SLC1A1: variants seen among roughly 807,000 people sequenced by gnomAD.
SLC1A1 encodes the protein excitatory amino acid transporter 3.
SLC1A1 carries 43 observed loss-of-function variants against 53.3 expected under a neutral mutation model. That is an observed-to-expected ratio of 0.81 (90% CI 0.63 to 1.04). The LOEUF is 1.04. Ranked by LOEUF, SLC1A1 falls within the 50% of genes least tolerant of loss-of-function variation. The pLI is 0.00. For synonymous variants in SLC1A1, 307 were observed against 243.2 expected, an observed-to-expected ratio of 1.26 and a Z score of -2.44; for missense variants, 748 against 664.9, an observed-to-expected ratio of 1.12 and a Z score of -1.37.
Position 4,544,743 on chromosome 9 carries a change from C to T in SLC1A1, c.232+36C>T, listed in dbSNP as rs371178139. On this transcript the variant is annotated intron_variant, in intron 2 of 11. Coordinates refer to ENST00000262352, the MANE Select transcript of SLC1A1 (RefSeq NM_004170.6). ...AAAACAGATGTTCTCTATATTAGTC[C>T]ATTTTCATACTGCTGTAAAGAACTT... 99 of 1,539,046 alleles carry T rather than the reference C, an allele frequency of 6.4e-5. No individual in the cohort carries two copies. In the African/African-American group the frequency reaches 1.2e-3, roughly 18 times the overall value.
At position 4,564,425 on chromosome 9, in the gene SLC1A1, T is replaced by A; in HGVS notation, c.407T>A (p.Val136Asp). The A allele has an allele frequency of 6.2e-7, 1 of 1,613,536 alleles. No individual in the cohort carries two copies. The highest frequency in any genetic ancestry group is 8.5e-7 in the Non-Finnish European group (1 of 1,179,668). The change falls in exon 4 of 12, where the codon GTC (valine) becomes GAC (aspartate). Residue 136 changes from valine (V) to aspartate (D), a missense_variant. Val to Asp is a radical substitution (Grantham distance 152, BLOSUM62 -3). Coordinates refer to ENST00000262352, the MANE Select transcript of SLC1A1 (RefSeq NM_004170.6). Reference protein sequence around the residue: ...EIARTGSTPEVSTVDAMLDLI... With the variant: ...EIARTGSTPEDSTVDAMLDLI... ...GCGAGGACAGGCAGCACCCCTGAAG[T>A]CAGTACGGTGGATGCCATGTTAGAT...
intron 1 of SLC1A1, among the ~76,000 whole-genome samples, chr9:4,542,155 A>AAGGAG (rs1817069580): frequency 6.8e-6 from 1 of 147,168 alleles, no homozygotes; most frequent in Non-Finnish European, 1.5e-5. Flanking sequence ...TTAGAAAGGA[A>AAGGAG]AGGAGAGGGG....
intron 1 of SLC1A1, among the ~76,000 whole-genome samples, chr9:4,520,407 C>G (rs1816026986): frequency 6.6e-6 from 1 of 152,148 alleles, no homozygotes; most frequent in African/African-American, 2.4e-5. Flanking sequence ...TTATTATTAT[C>G]TATTTTTCTT....
chr9:4,530,199 T>C (rs1273324981), intron 1 of SLC1A1, among the ~76,000 whole-genome samples: 1 of 152,102 alleles, frequency 6.6e-6, no homozygotes, highest in African/African-American at 2.4e-5. Context: ...GGCCCAATTC[T>C]TCCCTTTCTC....
At chr9:4,505,877 G>A (rs940636429) in intron 1 of SLC1A1, among the ~76,000 whole-genome samples, 9 of 152,166 alleles carry the variant, frequency 5.9e-5, no homozygotes, top group Admixed American at 4.6e-4. Flanking sequence ...AGAATGGAGT[G>A]CAGTGGCACC....
intron 1 of SLC1A1, among the ~76,000 whole-genome samples, chr9:4,508,459 A>G (rs77864174): frequency 0.022 from 3,329 of 152,218 alleles, 125 homozygotes; most frequent in African/African-American, 0.077. Flanking sequence ...AACTTTCCCA[A>G]CTAAGCTCAC....
chr9:4,517,978 A>C (rs183140386), intron 1 of SLC1A1, among the ~76,000 whole-genome samples: 1 of 152,262 alleles, frequency 6.6e-6, no homozygotes, highest in Admixed American at 6.5e-5. Flanking sequence ...CTGTAATCCC[A>C]GCACTTTGGG....
intron 11 of SLC1A1, among the ~76,000 whole-genome samples, chr9:4,584,703 T>A (rs1821427047): frequency 6.6e-6 from 1 of 152,130 alleles, no homozygotes; most frequent in South Asian, 2.1e-4. Context: ...TTCCCCAGGC[T>A]CTCTGGAAAT....
intron 2 of SLC1A1, among the ~76,000 whole-genome samples, chr9:4,545,105 C>T (rs1338784830): frequency 1.3e-5 from 2 of 151,798 alleles, no homozygotes; most frequent in Admixed American, 6.6e-5. Context: ...CAAAGCCTAA[C>T]CATGTCATTC....
At chr9:4,511,358 T>A (rs1339159768) in intron 1 of SLC1A1, among the ~76,000 whole-genome samples, 1 of 152,114 alleles carries the variant, frequency 6.6e-6, no homozygotes, top group African/African-American at 2.4e-5. Context: ...GCAAGGCAGC[T>A]CTCTGGGACT....
In SLC1A1 at chr9:4,583,117, G is replaced by A. The variant is rs1291174137; in HGVS notation, c.1273G>A (p.Ala425Thr). Residue 425 changes from alanine (A) to threonine (T), a missense_variant, in exon 11 of 12, where the codon GCC becomes ACC. Coordinates refer to ENST00000262352, the MANE Select transcript of SLC1A1 (RefSeq NM_004170.6). The surrounding 1 kb of genome is among the most constrained non-coding windows in gnomAD (Gnocchi z 4.6). ...GLVTMVIVLS[A>T]VGLPAEDVTL... The stretch of plus-strand genomic sequence containing the variant: ...GGTGACCATGGTGATTGTGCTGAGT[G>A]CCGTGGGCCTGCCCGCCGAGGATGT... The A allele has an allele frequency of 6.2e-7, 1 of 1,614,098 alleles. No individual in the cohort carries two copies. Among genetic ancestry groups the A allele is most frequent in the East Asian group, 2.2e-5 (1 of 44,896 alleles).
At chr9:4,554,317 T>G (rs2130897011) in intron 2 of SLC1A1, 1 of 152,356 alleles carries the variant, frequency 6.6e-6, no homozygotes, top group South Asian at 2.1e-4. Flanking sequence ...GCATCTCCTA[T>G]GTGCTGGGCA....
intron 6 of SLC1A1, 126 bp downstream of exon 6, chr9:4,567,893 T>G (rs1371526106): frequency 2.7e-6 from 2 of 733,388 alleles, no homozygotes; most frequent in South Asian, 3.0e-5. Flanking sequence ...TTGCTAAAAT[T>G]TATGTGTGAC....
At chr9:4,579,111 C>T (rs1239604764) in intron 10 of SLC1A1, among the ~76,000 whole-genome samples, 1 of 152,102 alleles carries the variant, frequency 6.6e-6, no homozygotes, top group African/African-American at 2.4e-5. Flanking sequence ...GCAAAATACA[C>T]CATTTGGCAC....
chr9:4,563,369 G>A (rs141127828), intron 3 of SLC1A1, among the ~76,000 whole-genome samples: 123 of 152,260 alleles, frequency 8.1e-4, no homozygotes, highest in African/African-American at 2.7e-3. Flanking sequence ...GACAGACACA[G>A]AGAAAAAATA....
At chr9:4,497,826 A>G (rs1264069532) in intron 1 of SLC1A1, among the ~76,000 whole-genome samples, 4 of 152,210 alleles carry the variant, frequency 2.6e-5, no homozygotes, top group Admixed American at 1.3e-4. Flanking sequence ...TTAAAAAAGT[A>G]TATCTGATAC....
chr9:4,552,421 T>G (rs1199182750), intron 2 of SLC1A1, among the ~76,000 whole-genome samples: 2 of 151,970 alleles, frequency 1.3e-5, no homozygotes, highest in Non-Finnish European at 2.9e-5. Context: ...AGCATCTTTG[T>G]CCTCCCAAAA....
Position 4,576,713 on chromosome 9 carries a change from T to G in SLC1A1, c.1143T>G (p.Ile381Met), listed in dbSNP as rs1820579180. 6.2e-7 allele frequency: 1 copy of G among 1,614,224 alleles called. No individual in the cohort carries two copies. The highest frequency in any genetic ancestry group is 1.1e-5 in the South Asian group (1 of 91,092). ...ATGAAGCAGTGGCAGCGGTGTTTAT[T>G]GCACAGTTGAATGACCTGGACTTGG... Reference protein sequence around the residue: ...ALYEAVAAVFIAQLNDLDLGI... With the variant: ...ALYEAVAAVFMAQLNDLDLGI... The change falls in exon 10 of 12, where the codon ATT becomes ATG. Residue 381 changes from isoleucine to methionine, a missense_variant. Physicochemically the swap from Ile to Met is conservative, Grantham distance 10. Transcript: ENST00000262352.
intron 1 of SLC1A1, among the ~76,000 whole-genome samples, chr9:4,513,424 A>G (rs1224910639): frequency 6.6e-6 from 1 of 152,258 alleles, no homozygotes; most frequent in South Asian, 2.1e-4. Context: ...CGAAGAGGGT[A>G]TACTGATGGC....
Sources: gnomAD v4.1 joint callset for allele counts (sites outside exome capture counted in the v4.1 genomes callset) on GRCh38, gnomAD v4.1.1 for gene constraint, Gnocchi (gnomAD v3.1) non-coding constraint, MANE v1.5 for transcripts, NCBI Gene and HGNC (gene_info 2026-07-23, HGNC 2026-07-21) for gene names.